Variants in EYA2 observed in about 807,000 individuals in gnomAD.
The protein encoded by EYA2 is EYA transcriptional coactivator and phosphatase 2, also known as protein phosphatase EYA2.
Under a neutral mutation model 69.2 loss-of-function variants are expected in EYA2, and 31 were observed. The observed-to-expected ratio is 0.45, with a 90% confidence interval of 0.34 to 0.60. EYA2 has a LOEUF of 0.60. EYA2 is among the 20% of genes least tolerant of loss of function. The pLI is 0.02. For missense variants in EYA2, 622 were observed against 701.2 expected (o/e 0.89, Z 1.28); for synonymous variants, 257 against 279.4 (o/e 0.92, Z 0.80).
At chr20:47,011,471 C>G (rs1385377617) in intron 4 of EYA2, among the ~76,000 whole-genome samples, 1 of 152,110 alleles carries the variant, frequency 6.6e-6, no homozygotes, top group Non-Finnish European at 1.5e-5. Flanking sequence ...TGCCCTGTCC[C>G]CACCTTGATG....
chr20:47,050,273 T>A (rs1221148913), intron 5 of EYA2, among the ~76,000 whole-genome samples: 1 of 152,226 alleles, frequency 6.6e-6, no homozygotes, highest in Non-Finnish European at 1.5e-5. Context: ...GTTTAAATGC[T>A]TTCTGTATGT....
intron 1 of EYA2, among the ~76,000 whole-genome samples, chr20:46,899,740 A>C (rs1172167390): frequency 6.6e-6 from 1 of 152,210 alleles, no homozygotes; most frequent in Non-Finnish European, 1.5e-5. Context: ...TGGTTGCCTG[A>C]ATCTGGAACC....
rs370808552 is a variant in EYA2 at position 47,143,017 on chromosome 20, A to G, written c.889-42A>G. 5.7e-6 allele frequency: 9 copies of G among 1,576,160 alleles called. No homozygotes were observed. The Admixed American group carries it at 7.0e-5, about 12-fold the overall frequency. On this transcript the variant is annotated intron_variant, in intron 9 of 15. Transcript: ENST00000327619. ...ACCAAAAGGGTAGCTAAGATTCCTCAGGCTCCGCGTGCATGTGATTTTCCC... is the reference window on the plus strand; with the variant it reads ...ACCAAAAGGGTAGCTAAGATTCCTCGGGCTCCGCGTGCATGTGATTTTCCC...
chr20:47,150,135 C>T (rs1286401216), intron 10 of EYA2, among the ~76,000 whole-genome samples: 1 of 152,178 alleles, frequency 6.6e-6, no homozygotes, highest in African/African-American at 2.4e-5. Flanking sequence ...AGTCAATGGT[C>T]GCACAGCAGT....
intron 1 of EYA2, among the ~76,000 whole-genome samples, chr20:46,952,419 T>G (rs1362507325): frequency 6.6e-6 from 1 of 152,222 alleles, no homozygotes; most frequent in Non-Finnish European, 1.5e-5. Context: ...TGGCCTCATT[T>G]AACCTCCTTT....
intron 7 of EYA2, among the ~76,000 whole-genome samples, chr20:47,082,413 G>A (rs1045186598): frequency 2.0e-5 from 3 of 150,354 alleles, no homozygotes; most frequent in African/African-American, 7.3e-5. Context: ...GTGTTGCAGG[G>A]TACTAGGTGA....
chr20:46,990,290 A>G (rs1981569998), intron 2 of EYA2, among the ~76,000 whole-genome samples, 171 bp downstream of exon 2: 1 of 152,190 alleles, frequency 6.6e-6, no homozygotes, highest in Admixed American at 6.5e-5. Flanking sequence ...TACATCTCTA[A>G]CAACTCTGTC....
chr20:46,948,484 G>C (rs1291863678), intron 1 of EYA2, among the ~76,000 whole-genome samples: 1 of 152,130 alleles, frequency 6.6e-6, no homozygotes, highest in African/African-American at 2.4e-5. Context: ...AGACTCTATA[G>C]TTTGAAAACC....
At chr20:46,915,763 T>C (rs2146230239) in intron 1 of EYA2, among the ~76,000 whole-genome samples, 1 of 152,304 alleles carries the variant, frequency 6.6e-6, no homozygotes, top group East Asian at 1.9e-4. Context: ...CATTCCTGCA[T>C]GGTGACAATT....
intron 1 of EYA2, among the ~76,000 whole-genome samples, chr20:46,895,686 T>A (rs1983770641): frequency 6.6e-6 from 1 of 152,194 alleles, no homozygotes; most frequent in African/African-American, 2.4e-5. Context: ...GAATTGTTTT[T>A]TAGTCATGAA....
chr20:47,050,591 T>C (rs16992251), intron 5 of EYA2, among the ~76,000 whole-genome samples: 2,233 of 152,262 alleles, frequency 0.015, 45 homozygotes, highest in African/African-American at 0.051. Context: ...ATCAAACCTT[T>C]ATAAGCAATG....
chr20:46,926,155 AG>A (rs1429011446), intron 1 of EYA2, among the ~76,000 whole-genome samples: 1 of 152,250 alleles, frequency 6.6e-6, no homozygotes, highest in Non-Finnish European at 1.5e-5. Flanking sequence ...AGGCTACGCA[AG>A]AAATTAATTA....
intron 1 of EYA2, among the ~76,000 whole-genome samples, chr20:46,959,081 TGTTATTTCTGTCTTTAG>T (rs1979312959): frequency 1.3e-5 from 2 of 152,246 alleles, no homozygotes; most frequent in Non-Finnish European, 2.9e-5. Context: ...GTGAGTCAAA[TGTTATTTCTGTCTTTAG>T]GACTTTGAGG....
intron 1 of EYA2, among the ~76,000 whole-genome samples, chr20:46,950,379 G>A (rs1290835735): frequency 6.6e-6 from 1 of 152,174 alleles, no homozygotes; most frequent in Non-Finnish European, 1.5e-5. Flanking sequence ...CTAAGAGTCT[G>A]TGACTTGATG....
At chr20:46,949,336 G>T (rs1000001479) in intron 1 of EYA2, among the ~76,000 whole-genome samples, 10 of 152,188 alleles carry the variant, frequency 6.6e-5, no homozygotes, top group Non-Finnish European at 1.5e-4. Context: ...AGTGGGGAGG[G>T]TTTAACACTT....
chr20:47,034,124 C>G (rs1329921902), intron 5 of EYA2, among the ~76,000 whole-genome samples: 1 of 152,102 alleles, frequency 6.6e-6, no homozygotes, highest in Non-Finnish European at 1.5e-5. Context: ...GAGAGCAAAC[C>G]CTAGGTTTAA....
At chr20:47,133,555 C>T (rs188112275) in intron 9 of EYA2, among the ~76,000 whole-genome samples, 97 of 152,240 alleles carry the variant, frequency 6.4e-4, no homozygotes, top group African/African-American at 2.3e-3. Context: ...CCCAAGACCA[C>T]CTTCGGCCTC....
chr20:47,119,246 A>G (rs1460667123), intron 9 of EYA2, among the ~76,000 whole-genome samples: 1 of 152,160 alleles, frequency 6.6e-6, no homozygotes, highest in Non-Finnish European at 1.5e-5. Flanking sequence ...TGTCAACGCC[A>G]TTGTATTTGG....
rs11473217 is a variant in EYA2 at position 47,112,862 on chromosome 20, C to CTTTTTTTTTTTTTTTTTTTTTTTTT, written c.888+15697_888+15721dup. On this transcript the variant is annotated intron_variant, in intron 9 of 15. Transcript: ENST00000327619. Reference sequence around the variant, plus strand: ...CAAAAGTTAGATTTCATGTTCACTCCTTTTTTTTTTTTTTTTTTTTTTTTT... The same window carrying CTTTTTTTTTTTTTTTTTTTTTTTTT: ...CAAAAGTTAGATTTCATGTTCACTCCTTTTTTTTTTTTTTTTTTTTTTTTTTTTTTTTTTTTTTTTTTTTTTTTTT... Among the ~76,000 whole-genome samples the CTTTTTTTTTTTTTTTTTTTTTTTTT allele has an allele frequency of 3.6e-5, 2 of 55,808 alleles. 1 individual carries two copies. The highest frequency in any genetic ancestry group is 7.1e-5 in the Non-Finnish European group (2 of 28,314). 36.6% of individuals were successfully genotyped at this position (55,808 alleles called of 152,430 possible).
Sources: allele counts gnomAD v4.1 joint callset (sites outside exome capture counted in the v4.1 genomes callset), GRCh38; gene constraint gnomAD v4.1.1; transcripts MANE v1.5; gene names NCBI Gene and HGNC (gene_info 2026-07-23, HGNC 2026-07-21).